Variants in NWD2 observed in about 807,000 individuals in gnomAD.
NWD2 encodes the protein NACHT and WD repeat domain containing 2.
Under a neutral mutation model 132.7 loss-of-function variants are expected in NWD2, and 37 were observed. That is an observed-to-expected ratio of 0.28 (90% CI 0.21 to 0.37). NWD2 has a LOEUF of 0.37. Among genes scored for constraint, NWD2 ranks in the 10% least tolerant of loss-of-function variants. The pLI is 1.00. For missense variants in NWD2, 1,592 were observed against 2,122.4 expected, an observed-to-expected ratio of 0.75 and a Z score of 4.91; for synonymous variants, 705 against 803.0, an observed-to-expected ratio of 0.88 and a Z score of 2.06.
At chr4:37,363,829 T>TA (rs963764146) in intron 3 of NWD2, among the ~76,000 whole-genome samples, 2 of 151,938 alleles carry the variant, frequency 1.3e-5, no homozygotes, top group Admixed American at 6.6e-5. Context: ...AAATTATATA[T>TA]AAAAAAGCAG....
chr4:37,369,359 A>G (rs192666122), intron 3 of NWD2, among the ~76,000 whole-genome samples: 247 of 152,278 alleles, frequency 1.6e-3, no homozygotes, highest in African/African-American at 5.7e-3. Context: ...TTTTAATGTG[A>G]CCATCACCTG....
chr4:37,431,494 G>A (rs1023827736), intron 4 of NWD2, among the ~76,000 whole-genome samples: 18 of 152,148 alleles, frequency 1.2e-4, no homozygotes, highest in Non-Finnish European at 2.2e-4. Flanking sequence ...ACAGAGAGTA[G>A]AAGTGTATTT....
At chr4:37,364,691 T>TACACACACACACACACACACAC (rs57981065) in intron 3 of NWD2, among the ~76,000 whole-genome samples, 40 of 146,686 alleles carry the variant, frequency 2.7e-4, no homozygotes, top group African/African-American at 9.6e-4. Context: ...TACCTCCACT[T>TACACACACACACACACACACAC]ACACACACAC....
At chr4:37,422,729 G>A (rs1313418080) in intron 3 of NWD2, among the ~76,000 whole-genome samples, 1 of 152,170 alleles carries the variant, frequency 6.6e-6, no homozygotes. Context: ...TATGTGGCCA[G>A]ATAAATATAC....
At chr4:37,436,056 G>A (rs73228713) in intron 5 of NWD2, among the ~76,000 whole-genome samples, 14 of 152,136 alleles carry the variant, frequency 9.2e-5, no homozygotes, top group South Asian at 4.2e-4. Context: ...AGGAGAGGAC[G>A]AGAAATAAAT....
chr4:37,286,911 G>A (rs1718243590), intron 1 of NWD2, among the ~76,000 whole-genome samples: 1 of 152,136 alleles, frequency 6.6e-6, no homozygotes, highest in African/African-American at 2.4e-5. Context: ...GGCAATCAGA[G>A]GTTCCCATCT....
chr4:37,280,837 A>G (rs1448244801), intron 1 of NWD2, among the ~76,000 whole-genome samples: 2 of 152,204 alleles, frequency 1.3e-5, no homozygotes, highest in African/African-American at 4.8e-5. Flanking sequence ...CTAAGGGGAC[A>G]TAGCATAGCA....
At chr4:37,364,028 A>G (rs1720036780) in intron 3 of NWD2, among the ~76,000 whole-genome samples, 1 of 151,604 alleles carries the variant, frequency 6.6e-6, no homozygotes. Context: ...GCTACTCGGG[A>G]GGCTGAGGCA....
chr4:37,248,976 G>A (rs1011124004), intron 1 of NWD2, among the ~76,000 whole-genome samples: 3 of 152,176 alleles, frequency 2.0e-5, no homozygotes, highest in Non-Finnish European at 4.4e-5. Flanking sequence ...GGTGTATAAG[G>A]AAACATGAGT....
chr4:37,287,359 A>C (rs1458258306), intron 1 of NWD2, among the ~76,000 whole-genome samples: 1 of 152,198 alleles, frequency 6.6e-6, no homozygotes, highest in Non-Finnish European at 1.5e-5. Context: ...GGCAGCAGCC[A>C]GCACTGGGAC....
At chr4:37,313,208 A>G (rs1718886534) in intron 1 of NWD2, among the ~76,000 whole-genome samples, 1 of 151,132 alleles carries the variant, frequency 6.6e-6, no homozygotes, top group South Asian at 2.1e-4. Flanking sequence ...GAATGGTACC[A>G]GTTCCTCCTT....
At chr4:37,415,048 AG>A (rs1207948867) in intron 3 of NWD2, among the ~76,000 whole-genome samples, 1 of 152,236 alleles carries the variant, frequency 6.6e-6, no homozygotes, top group Non-Finnish European at 1.5e-5. Flanking sequence ...CCTTTATTTA[AG>A]ACATATATTG....
chr4:37,411,700 A>G (rs2109319317), intron 3 of NWD2, among the ~76,000 whole-genome samples: 1 of 152,354 alleles, frequency 6.6e-6, no homozygotes, highest in South Asian at 2.1e-4. Flanking sequence ...ATTTAGGGCC[A>G]GTATCTCTGA....
At chr4:37,306,708 C>G (rs1455280127) in intron 1 of NWD2, among the ~76,000 whole-genome samples, 1 of 152,056 alleles carries the variant, frequency 6.6e-6, no homozygotes, top group Non-Finnish European at 1.5e-5. Context: ...TGTTTTGCAG[C>G]CTACCATGTG....
intron 3 of NWD2, among the ~76,000 whole-genome samples, chr4:37,359,422 G>T (rs1202459918): frequency 6.6e-6 from 1 of 151,998 alleles, no homozygotes; most frequent in Non-Finnish European, 1.5e-5. Context: ...GGCCTTTCCT[G>T]TTGTAACTAC....
At chr4:37,412,789 A>G (rs1721188680) in intron 3 of NWD2, among the ~76,000 whole-genome samples, 1 of 152,248 alleles carries the variant, frequency 6.6e-6, no homozygotes, top group African/African-American at 2.4e-5. Context: ...AGATATATAG[A>G]CCAATAGAAC....
intron 3 of NWD2, among the ~76,000 whole-genome samples, chr4:37,361,677 A>G (rs1719984481): frequency 6.6e-6 from 1 of 152,210 alleles, no homozygotes; most frequent in Non-Finnish European, 1.5e-5. Context: ...ATACCTCAAA[A>G]TAATAAGAGC....
chr4:37,359,550 C>T (rs1410548358), intron 3 of NWD2, among the ~76,000 whole-genome samples: 4 of 151,880 alleles, frequency 2.6e-5, no homozygotes, highest in African/African-American at 9.7e-5. Flanking sequence ...TAACATAATA[C>T]TTCCCCTAAT....
At chr4:37,350,493 T>C (rs952755502) in intron 2 of NWD2, among the ~76,000 whole-genome samples, 2 of 152,212 alleles carry the variant, frequency 1.3e-5, no homozygotes, top group African/African-American at 4.8e-5. Context: ...TTCTCTATTA[T>C]TGATGTATAG....
Sources: allele counts gnomAD v4.1 joint callset (sites outside exome capture counted in the v4.1 genomes callset), GRCh38; gene constraint gnomAD v4.1.1; transcripts MANE v1.5; gene names NCBI Gene and HGNC (gene_info 2026-07-23, HGNC 2026-07-21).